The following SLC17A6 variants were observed in gnomAD, a reference collection of about 807,000 sequenced individuals.
SLC17A6 encodes the protein vesicular glutamate transporter 2.
Under a neutral mutation model 67.1 loss-of-function variants are expected in SLC17A6, and 35 were observed. The observed-to-expected ratio is 0.52, with a 90% confidence interval of 0.40 to 0.69. The LOEUF is 0.69. SLC17A6 is among the 30% of genes least tolerant of loss of function. SLC17A6 has a pLI of 0.00. For synonymous variants in SLC17A6, 285 were observed against 252.3 expected (o/e 1.13, Z -1.23); for missense variants, 588 against 723.9 (o/e 0.81, Z 2.15).
chr11:22,342,889 C>T (rs770767037), intron 2 of SLC17A6: 1 of 462,708 alleles, frequency 2.2e-6, no homozygotes, highest in East Asian at 6.7e-5. Context: ...TTAAGTGGAC[C>T]CCTGACAGGC....
chr11:22,353,542 C>A (rs1202350245), intron 3 of SLC17A6, among the ~76,000 whole-genome samples: 1 of 152,120 alleles, frequency 6.6e-6, no homozygotes, highest in East Asian at 1.9e-4. Flanking sequence ...AAAAAAGAAA[C>A]TTGTCTTTTT....
intron 7 of SLC17A6, among the ~76,000 whole-genome samples, chr11:22,367,558 C>CTGCAGT (rs1856126975): frequency 6.6e-6 from 1 of 152,062 alleles, no homozygotes; most frequent in African/African-American, 2.4e-5. Context: ...TGCCCACTAG[C>CTGCAGT]TGCAGTTATT....
intron 8 of SLC17A6, 64 bp from the exon 9 acceptor site, chr11:22,374,691 G>A: frequency 7.5e-7 from 1 of 1,326,270 alleles, no homozygotes; most frequent in Non-Finnish European, 1.0e-6. Context: ...AGAAACAAAG[G>A]CCATTAAATT....
At position 22,374,755 on chromosome 11, in the gene SLC17A6, GTTGGT is replaced by G; in HGVS notation, c.1043_1047del (p.Val348AspfsTer60). ...TCTCTCCCTTCTTGTTTTTCATCAG[GTTGGT>G]ATGCTATCTGCTGTGCCACACTTAG... On this transcript the variant is annotated frameshift_variant and splice_region_variant, in exon 9 of 12. Coordinates refer to ENST00000263160, the MANE Select transcript of SLC17A6 (RefSeq NM_020346.3). LOFTEE classifies it high-confidence loss of function. The G allele has an allele frequency of 6.3e-7, 1 of 1,598,852 alleles. No homozygotes were observed. Among genetic ancestry groups the G allele is most frequent in the Non-Finnish European group, 8.5e-7 (1 of 1,174,066 alleles).
chr11:22,371,308 A>C (rs903519742), intron 8 of SLC17A6, among the ~76,000 whole-genome samples: 1 of 152,008 alleles, frequency 6.6e-6, no homozygotes, highest in Non-Finnish European at 1.5e-5. Context: ...TTCATATTCT[A>C]TCTCTACTTG....
At chr11:22,359,650 A>G in intron 4 of SLC17A6, 123 bp downstream of exon 4, 1 of 461,380 alleles carries the variant, frequency 2.2e-6, no homozygotes, top group Non-Finnish European at 3.6e-6. Flanking sequence ...GAGTTAAAAT[A>G]AAAAATGAAA....
chr11:22,351,183 T>C (rs1400141761), intron 3 of SLC17A6, among the ~76,000 whole-genome samples: 1 of 152,098 alleles, frequency 6.6e-6, no homozygotes, highest in African/African-American at 2.4e-5. Context: ...TATCACAAAA[T>C]TCGTAATGTA....
intron 7 of SLC17A6, 109 bp from the exon 8 acceptor site, chr11:22,369,930 C>G (rs972982490): frequency 2.4e-5 from 23 of 977,752 alleles, no homozygotes; most frequent in Non-Finnish European, 3.3e-5. Flanking sequence ...TTCCTACTTC[C>G]TACTTATGAC....
At chr11:22,360,787 A>AT (rs1856043859) in intron 4 of SLC17A6, 110 bp from the exon 5 acceptor site, 1 of 831,104 alleles carries the variant, frequency 1.2e-6, no homozygotes, top group African/African-American at 1.7e-5. Context: ...TCAGAAAAAA[A>AT]GAAAATTGAG....
intron 3 of SLC17A6, among the ~76,000 whole-genome samples, chr11:22,352,340 G>A (rs564254565): frequency 7.2e-5 from 11 of 152,284 alleles, no homozygotes; most frequent in East Asian, 5.8e-4. Context: ...TCAACCTACA[G>A]TTATTCTATG....
At chr11:22,343,459 G>A (rs1855842513) in intron 3 of SLC17A6, 94 bp downstream of exon 3, 1 of 1,042,926 alleles carries the variant, frequency 9.6e-7, no homozygotes, top group Non-Finnish European at 1.4e-6. Context: ...GCCCAGAGGG[G>A]TTTGAGGACT....
Position 22,362,750 on chromosome 11 carries a change from G to A in SLC17A6, c.673G>A (p.Gly225Arg), listed in dbSNP as rs754093521. Reference protein sequence around the residue: ...ATTSFCGSYAGAVIAMPLAGI... With the variant: ...ATTSFCGSYARAVIAMPLAGI... Reference sequence around the variant, plus strand: ...TCCTTACACTTTAGGTTCCTATGCCGGAGCTGTGATTGCAATGCCTTTAGC... The same window carrying A: ...TCCTTACACTTTAGGTTCCTATGCCAGAGCTGTGATTGCAATGCCTTTAGC... The change falls in exon 6 of 12, where the codon GGA becomes AGA. Residue 225 changes from glycine to arginine, a missense_variant. By Grantham distance (125) the Gly-to-Arg change is moderately radical. Around this residue, in one of 4 missense-constraint regions of SLC17A6, gnomAD observed 414 missense variants for 563.4 expected, o/e 0.73. Coordinates refer to ENST00000263160, the MANE Select transcript of SLC17A6 (RefSeq NM_020346.3). 5.6e-6 allele frequency: 9 copies of A among 1,613,572 alleles called. No homozygotes were observed. The highest frequency in any genetic ancestry group is 2.2e-5 in the East Asian group (1 of 44,872).
chr11:22,362,262 C>G (rs1427602586), intron 5 of SLC17A6: 1 of 461,272 alleles, frequency 2.2e-6, no homozygotes, highest in African/African-American at 2.1e-5. Context: ...AGCAATATGC[C>G]TTCAATCATG....
At chr11:22,372,302 T>C (rs1271965837) in intron 8 of SLC17A6, among the ~76,000 whole-genome samples, 2 of 151,326 alleles carry the variant, frequency 1.3e-5, no homozygotes, top group African/African-American at 4.8e-5. Context: ...TATATATCAT[T>C]ATATATTGGC....
At position 22,379,488 on chromosome 11, in the gene SLC17A6, A is replaced by T. The variant is rs569896961; in HGVS notation, c.*1748A>T. 3 of 141,476 alleles carry T rather than the reference A, an allele frequency of 2.1e-5. No individual in the cohort carries two copies. Among genetic ancestry groups the T allele is most frequent in the East Asian group, 4.2e-4 (2 of 4,792 alleles). 8.8% of individuals were successfully genotyped at this position (141,476 alleles called of 1,614,324 possible). A position where few individuals can be genotyped will look rare whatever the true frequency, so the allele number is the denominator to read the frequency against. Reference sequence around the variant, plus strand: ...AAAGTGTTAATAAAATGCTCTATTTATCCTTTTTTTAAAAAGCAGTGCATT... The same window carrying T: ...AAAGTGTTAATAAAATGCTCTATTTTTCCTTTTTTTAAAAAGCAGTGCATT... On this transcript the variant is annotated 3_prime_UTR_variant, in exon 12 of 12. Transcript: ENST00000263160.
At position 22,361,206 on chromosome 11, in the gene SLC17A6, T is replaced by C; in HGVS notation, c.661+222T>C. On this transcript the variant is annotated intron_variant, in intron 5 of 11. Transcript: ENST00000263160. ...TTGTATTTTTCTAGGAATTGATCCA[T>C]TTCATCTAGGATTTCAAATATATTC... 3 of 451,642 alleles carry C rather than the reference T, an allele frequency of 6.6e-6. No individual in the cohort carries two copies. In the South Asian group the frequency reaches 1.1e-4, roughly 17 times the overall value. 28.0% of individuals were successfully genotyped at this position (451,642 alleles called of 1,614,324 possible).
At chr11:22,361,488 T>C (rs1856052668) in intron 5 of SLC17A6, among the ~76,000 whole-genome samples, 1 of 152,130 alleles carries the variant, frequency 6.6e-6, no homozygotes, top group Admixed American at 6.5e-5. Context: ...TTATAGTGAA[T>C]AAAATGCCTA....
At position 22,376,139 on chromosome 11, in the gene SLC17A6, A is replaced by C. The variant is rs745821986; in HGVS notation, c.1285+47A>C. The C allele has an allele frequency of 5.2e-6, 7 of 1,337,418 alleles. No individual in the cohort carries two copies. In the Admixed American group the frequency reaches 1.2e-4, roughly 23 times the overall value. 82.8% of individuals were successfully genotyped at this position (1,337,418 alleles called of 1,614,324 possible). ...TTGTACTTGGGACATTCTGATTTTG[A>C]CTGCTGATAAAAGACACATACATAT... On this transcript the variant is annotated intron_variant, in intron 10 of 11. Coordinates refer to ENST00000263160, the MANE Select transcript of SLC17A6 (RefSeq NM_020346.3).
intron 2 of SLC17A6, among the ~76,000 whole-genome samples, chr11:22,342,393 G>A (rs1004268982): frequency 6.6e-6 from 1 of 152,170 alleles, no homozygotes; most frequent in African/African-American, 2.4e-5. Context: ...CCGTAAACCA[G>A]ACTAAGCAGG....
Sources: gnomAD v4.1 joint callset for allele counts (sites outside exome capture counted in the v4.1 genomes callset) on GRCh38, gnomAD v4.1.1 for gene constraint, gnomAD v4.1.1 regional missense constraint, MANE v1.5 for transcripts, NCBI Gene and HGNC (gene_info 2026-07-23, HGNC 2026-07-21) for gene names.